The following SPATA22 variants were observed in gnomAD, a reference collection of about 807,000 sequenced individuals.
SPATA22 encodes spermatogenesis associated 22.
In SPATA22, 29 loss-of-function variants were observed where a neutral mutation model predicts 47.8. The observed-to-expected ratio is 0.61, with a 90% CI of 0.45 to 0.83. The LOEUF is 0.83. Among genes scored for constraint, SPATA22 ranks in the 40% least tolerant of loss-of-function variants. The probability of loss-of-function intolerance (pLI) is 0.00; values close to 1 mark genes in which losing one functional copy is unlikely to be tolerated. For synonymous variants in SPATA22, 133 were observed against 140.9 expected (o/e 0.94, Z 0.40); for missense variants, 410 against 421.7 (o/e 0.97, Z 0.24).
rs1409938182 is a variant in SPATA22 at position 3,486,118 on chromosome 17, G to A, written c.-73-16720C>T. ...CAGCAAATTTTTTGCATTTTTAGTA[G>A]AGACAGGGTTTCATCATGTTGGCCA... On this transcript the variant is annotated intron_variant, in intron 1 of 8. Coordinates refer to the SPATA22 transcript ENST00000541913. Among the ~76,000 whole-genome samples, 4 of 152,108 alleles carry A rather than the reference G, an allele frequency of 2.6e-5. No homozygotes were observed. In the East Asian group the frequency reaches 7.7e-4, roughly 29 times the overall value.
At chr17:3,499,111 T>TA (rs1226258048) in intron 1 of SPATA22, 2 of 1,607,484 alleles carry the variant, frequency 1.2e-6, no homozygotes, top group Non-Finnish European at 1.7e-6. Context: ...GCTTACATCT[T>TA]ACACGGTGTC....
At chr17:3,458,244 A>G (rs2073040948) in intron 5 of SPATA22, among the ~76,000 whole-genome samples, 11 of 152,200 alleles carry the variant, frequency 7.2e-5, no homozygotes, top group Admixed American at 7.2e-4. Flanking sequence ...AATCAGCAGG[A>G]AAATGCAAAT....
At chr17:3,512,931 C>T (rs917869806) in intron 1 of SPATA22, 3 of 152,160 alleles carry the variant, frequency 2.0e-5, no homozygotes, top group African/African-American at 7.2e-5. Flanking sequence ...GATCGAGCAG[C>T]TGCTATTTCT....
At chr17:3,449,202 A>C in intron 5 of SPATA22, 53 bp from the exon 6 acceptor site, 1 of 1,282,156 alleles carries the variant, frequency 7.8e-7, no homozygotes, top group Non-Finnish European at 1.1e-6. Context: ...CTTAATTACA[A>C]AAAAAATTAA....
chr17:3,481,147 T>G (rs2073620395), intron 1 of SPATA22, among the ~76,000 whole-genome samples: 1 of 152,092 alleles, frequency 6.6e-6, no homozygotes, highest in Non-Finnish European at 1.5e-5. Context: ...TAAAATGATC[T>G]CTAATTAGAT....
chr17:3,480,956 CA>C (rs2073617128), intron 1 of SPATA22, among the ~76,000 whole-genome samples: 1 of 151,738 alleles, frequency 6.6e-6, no homozygotes, highest in African/African-American at 2.4e-5. Flanking sequence ...TGTATCTCCA[CA>C]AAAGATAAGA....
At chr17:3,449,738 A>G (rs867366638) in intron 5 of SPATA22, among the ~76,000 whole-genome samples, 38 of 152,354 alleles carry the variant, frequency 2.5e-4, no homozygotes, top group Middle Eastern at 6.8e-3. Flanking sequence ...TAAGTGTGTT[A>G]TATCAGCTGA....
At chr17:3,471,621 G>T (rs980193912) in intron 1 of SPATA22, 61 bp downstream of exon 1, 1 of 985,474 alleles carries the variant, frequency 1.0e-6, no homozygotes, top group Non-Finnish European at 1.2e-6. Flanking sequence ...GAGTTGAGAC[G>T]CTCTTCCAAA....
exon 1 of SPATA22, chr17:3,513,790 G>T: frequency 4.0e-6 from 3 of 753,362 alleles, no homozygotes; most frequent in East Asian, 2.5e-5. Flanking sequence ...CTGAGCACGA[G>T]GGTGCACTCT....
chr17:3,451,752 T>C (rs2072865842), intron 5 of SPATA22, among the ~76,000 whole-genome samples: 1 of 152,020 alleles, frequency 6.6e-6, no homozygotes, highest in Admixed American at 6.5e-5. Flanking sequence ...ATCGAAACTG[T>C]CCTGGCTAAC....
chr17:3,443,395 A>C, intron 7 of SPATA22, 124 bp from the exon 8 acceptor site: 2 of 575,946 alleles, frequency 3.5e-6, no homozygotes, highest in Non-Finnish European at 5.8e-6. Flanking sequence ...TTATATAGCA[A>C]TAAAGAAGAC....
rs371011215 is a variant in SPATA22, at chr17:3,469,257, T to C, written c.43+26A>G. 9.6e-6 allele frequency: 11 copies of C among 1,150,670 alleles called. No individual in the cohort carries two copies. The African/African-American group carries it at 1.5e-4, about 16-fold the overall frequency. 71.3% of individuals were successfully genotyped at this position (1,150,670 alleles called of 1,614,324 possible). A position where few individuals can be genotyped will look rare whatever the true frequency, so the allele number is the denominator to read the frequency against. On this transcript the variant is annotated intron_variant, in intron 2 of 8. Coordinates refer to ENST00000572969, the MANE Select transcript of SPATA22 (RefSeq NM_001170698.2). ...CAAGCTTTATATGCTATACAGAAAATTTAAAAATAAAAAGTTGTTCAATAC... is the reference window on the plus strand; with the variant it reads ...CAAGCTTTATATGCTATACAGAAAACTTAAAAATAAAAAGTTGTTCAATAC...
At chr17:3,494,400 G>C in intron 1 of SPATA22, 1 of 1,613,286 alleles carries the variant, frequency 6.2e-7, no homozygotes, top group Non-Finnish European at 8.5e-7. Flanking sequence ...TATAGAGAAA[G>C]TTGATTACCC....
intron 1 of SPATA22, chr17:3,481,782 T>C: frequency 6.2e-7 from 1 of 1,608,248 alleles, no homozygotes; most frequent in South Asian, 1.1e-5. Flanking sequence ...TTAATTCAGA[T>C]GTTTCATTAC....
intron 1 of SPATA22, among the ~76,000 whole-genome samples, chr17:3,471,234 T>C (rs2073427496): frequency 6.6e-6 from 1 of 152,050 alleles, no homozygotes; most frequent in Admixed American, 6.5e-5. Context: ...AAAATATTCT[T>C]GGCGCCATCC....
chr17:3,505,780 C>T (rs1339215846), intron 1 of SPATA22, among the ~76,000 whole-genome samples: 9 of 140,060 alleles, frequency 6.4e-5, no homozygotes, highest in African/African-American at 1.6e-4. Flanking sequence ...GTTTTTGAGA[C>T]GGAGTCTCAC....
upstream of SPATA22, chr17:3,474,034 A>C (rs1289480266): frequency 6.6e-6 from 1 of 152,166 alleles, no homozygotes; most frequent in Non-Finnish European, 1.5e-5. Context: ...ACACTTTGGG[A>C]AACAGGGAGT....
chr17:3,480,249 G>A (rs1203901362), intron 1 of SPATA22, among the ~76,000 whole-genome samples: 1 of 152,204 alleles, frequency 6.6e-6, no homozygotes, highest in Non-Finnish European at 1.5e-5. Flanking sequence ...GATTTATCAA[G>A]ACAAGGGAAC....
upstream of SPATA22, chr17:3,471,920 T>G (rs2073448388): frequency 1.1e-6 from 1 of 949,172 alleles, no homozygotes; most frequent in Admixed American, 6.2e-5. Context: ...CCGGGCGCGA[T>G]GACGTTAACG....
Sources: allele counts gnomAD v4.1 joint callset (sites outside exome capture counted in the v4.1 genomes callset), GRCh38; gene constraint gnomAD v4.1.1; transcripts MANE v1.5; gene names NCBI Gene and HGNC (gene_info 2026-07-23, HGNC 2026-07-21).